The following STAU2 variants were observed in gnomAD, a reference collection of about 807,000 sequenced individuals.
STAU2 encodes the protein staufen double-stranded RNA binding protein 2, also known as double-stranded RNA-binding protein Staufen homolog 2.
STAU2 carries 20 observed loss-of-function variants against 65.9 expected under a neutral mutation model. The ratio of observed to expected loss-of-function variants is 0.30; its 90% CI spans 0.21 to 0.44. The LOEUF (loss-of-function observed/expected upper bound fraction) is 0.44. Among genes scored for constraint, STAU2 ranks in the 20% least tolerant of loss-of-function variants. The pLI is 1.00. For missense variants in STAU2, 558 were observed against 683.9 expected (o/e 0.82, Z 2.05); for synonymous variants, 232 against 233.9 (o/e 0.99, Z 0.07).
chr8:73,562,641 T>G (rs922263527), intron 12 of STAU2, among the ~76,000 whole-genome samples: 4 of 152,218 alleles, frequency 2.6e-5, no homozygotes, highest in African/African-American at 9.6e-5. Context: ...AGCACAGCCT[T>G]AGGATGAAAG....
chr8:73,445,346 C>T (rs577024651), intron 13 of STAU2, among the ~76,000 whole-genome samples: 92 of 151,938 alleles, frequency 6.1e-4, no homozygotes, highest in East Asian at 3.1e-3. Context: ...TTTTTTTATA[C>T]GAAAGTACAA....
chr8:73,437,264 C>A (rs1337289818), intron 13 of STAU2, among the ~76,000 whole-genome samples: 3 of 152,160 alleles, frequency 2.0e-5, no homozygotes, highest in African/African-American at 7.2e-5. Flanking sequence ...GGAGATGGGA[C>A]AAGTAGCCAG....
chr8:73,605,796 A>G (rs1231937072), intron 9 of STAU2, among the ~76,000 whole-genome samples: 4 of 150,540 alleles, frequency 2.7e-5, no homozygotes, highest in Non-Finnish European at 4.4e-5. Flanking sequence ...GGGACCAATG[A>G]AACAGAATAA....
intron 13 of STAU2, among the ~76,000 whole-genome samples, chr8:73,428,436 CA>C (rs1816994384): frequency 6.6e-6 from 1 of 152,054 alleles, no homozygotes; most frequent in African/African-American, 2.4e-5. Context: ...CATGAGGGTG[CA>C]GATATCTCTT....
At chr8:73,602,925 A>G (rs924114663) in intron 10 of STAU2, among the ~76,000 whole-genome samples, 1 of 152,128 alleles carries the variant, frequency 6.6e-6, no homozygotes, top group South Asian at 2.1e-4. Context: ...TCAGTAAAAG[A>G]AGAGAGAAAG....
At chr8:73,616,727 G>C (rs1392720469) in intron 7 of STAU2, among the ~76,000 whole-genome samples, 1 of 152,016 alleles carries the variant, frequency 6.6e-6, no homozygotes, top group Non-Finnish European at 1.5e-5. Context: ...GAACCCGGGA[G>C]GCAGAGGTTG....
At chr8:73,449,774 C>A (rs1818693279) in intron 13 of STAU2, among the ~76,000 whole-genome samples, 1 of 152,180 alleles carries the variant, frequency 6.6e-6, no homozygotes, top group South Asian at 2.1e-4. Flanking sequence ...TGCTGCTTGG[C>A]TCTCTGGACT....
chr8:73,566,014 A>G (rs529705584), intron 12 of STAU2, among the ~76,000 whole-genome samples: 4 of 152,366 alleles, frequency 2.6e-5, no homozygotes, highest in African/African-American at 9.6e-5. Flanking sequence ...ACAAAATGTA[A>G]TAAAGTAAAA....
chr8:73,471,743 G>T (rs947390362), intron 13 of STAU2, among the ~76,000 whole-genome samples: 2 of 150,920 alleles, frequency 1.3e-5, no homozygotes, highest in African/African-American at 4.9e-5. Flanking sequence ...GTTTGAGCCT[G>T]GGAGGCGGAG....
chr8:73,535,030 T>C (rs1323922008), intron 13 of STAU2, among the ~76,000 whole-genome samples: 1 of 152,232 alleles, frequency 6.6e-6, no homozygotes, highest in Non-Finnish European at 1.5e-5. Flanking sequence ...GGCAGTAATG[T>C]ATAAAGATTT....
chr8:73,650,234 A>G (rs1213114614), intron 6 of STAU2, among the ~76,000 whole-genome samples: 1 of 152,064 alleles, frequency 6.6e-6, no homozygotes, highest in Non-Finnish European at 1.5e-5. Context: ...ATAGAATCTT[A>G]TGTTGGATGA....
intron 13 of STAU2, among the ~76,000 whole-genome samples, chr8:73,497,818 C>T (rs1821506943): frequency 6.6e-6 from 1 of 151,716 alleles, no homozygotes; most frequent in Admixed American, 6.6e-5. Context: ...AGTAATAACA[C>T]ACTCGAGTGT....
At position 73,719,913 on chromosome 8, in the gene STAU2, G is replaced by A. The variant is rs553861491; in HGVS notation, c.-17-10751C>T. On this transcript the variant is annotated intron_variant, in intron 3 of 14. Coordinates refer to ENST00000524300, the MANE Select transcript of STAU2 (RefSeq NM_001164380.2). ...TTTCCTTAACTTGTATAATTCACCA[G>A]TGAAACTATCCGGACCTAGAGTTTT... 9.9e-5 allele frequency among the ~76,000 whole-genome samples: 15 copies of A among 152,166 alleles called. No homozygotes were observed. In the South Asian group the frequency reaches 3.1e-3, roughly 32 times the overall value.
In STAU2 at chr8:73,593,216, T is replaced by A. The variant is rs147594065; in HGVS notation, c.1161+1950A>T. Among the ~76,000 whole-genome samples, 242 of 152,308 alleles carry A rather than the reference T, an allele frequency of 1.6e-3. 1 individual carries two copies. Among genetic ancestry groups the A allele is most frequent in the Middle Eastern group, 3.4e-3 (1 of 294 alleles). ...CTGACTGGCCTTTCTGCCTTTGGTT[T>A]CACTCTGCTCAAATCCATGCTCCCC... On this transcript the variant is annotated intron_variant, in intron 11 of 14. Coordinates refer to ENST00000524300, the MANE Select transcript of STAU2 (RefSeq NM_001164380.2).
At chr8:73,644,913 A>C (rs4738390) in intron 6 of STAU2, among the ~76,000 whole-genome samples, 2 of 152,280 alleles carry the variant, frequency 1.3e-5, no homozygotes, top group South Asian at 4.1e-4. Flanking sequence ...GAAAAGCCCT[A>C]TAAGTATTCA....
intron 13 of STAU2, among the ~76,000 whole-genome samples, chr8:73,449,714 C>G (rs1017771715): frequency 2.7e-4 from 41 of 152,204 alleles, no homozygotes; most frequent in African/African-American, 9.6e-4. Context: ...TAAGCTCCCT[C>G]TTGACTAAGC....
intron 3 of STAU2, among the ~76,000 whole-genome samples, chr8:73,735,723 T>A (rs1254348063): frequency 1.3e-5 from 2 of 152,162 alleles, no homozygotes; most frequent in African/African-American, 2.4e-5. Context: ...CTAGCCAACA[T>A]CCAGGGAATT....
At chr8:73,648,451 A>C (rs1815563006) in intron 6 of STAU2, among the ~76,000 whole-genome samples, 1 of 152,206 alleles carries the variant, frequency 6.6e-6, no homozygotes, top group Non-Finnish European at 1.5e-5. Flanking sequence ...TTCGTAACTA[A>C]AACAGGGATA....
intron 13 of STAU2, among the ~76,000 whole-genome samples, chr8:73,464,277 C>A (rs1819528504): frequency 6.6e-6 from 1 of 152,076 alleles, no homozygotes; most frequent in Admixed American, 6.6e-5. Flanking sequence ...AATTGGTTCT[C>A]AGAAGTCTCC....
Sources: gnomAD v4.1 joint callset for allele counts (sites outside exome capture counted in the v4.1 genomes callset) on GRCh38, gnomAD v4.1.1 for gene constraint, MANE v1.5 for transcripts, NCBI Gene and HGNC (gene_info 2026-07-23, HGNC 2026-07-21) for gene names.